Variants in DNAJC11 observed in about 807,000 individuals in gnomAD.
The protein encoded by DNAJC11 is DnaJ heat shock protein family (Hsp40) member C11, also known as dnaJ homolog subfamily C member 11.
DNAJC11 carries 15 observed loss-of-function variants against 78.6 expected under a neutral mutation model. The observed-to-expected ratio is 0.19, with a 90% confidence interval of 0.13 to 0.29. The LOEUF (loss-of-function observed/expected upper bound fraction) is 0.29. DNAJC11 is among the 10% of genes least tolerant of loss of function. DNAJC11 has a pLI of 1.00. For missense variants in DNAJC11, 547 were observed against 709.6 expected, an observed-to-expected ratio of 0.77 and a Z score of 2.60; for synonymous variants, 292 against 272.1, an observed-to-expected ratio of 1.07 and a Z score of -0.72.
chr1:6,642,101 AG>A (rs1006478195), intron 10 of DNAJC11, among the ~76,000 whole-genome samples: 31 of 152,212 alleles, frequency 2.0e-4, no homozygotes, highest in African/African-American at 6.5e-4. Context: ...CATAAGCAGG[AG>A]GGGGCCTGGT....
chr1:6,641,387 AAAAAT>A (rs1443024178), intron 10 of DNAJC11, among the ~76,000 whole-genome samples: 1 of 139,734 alleles, frequency 7.2e-6, no homozygotes, highest in African/African-American at 2.7e-5. Flanking sequence ...CAAAAAAAAA[AAAAAT>A]ATATATATAT....
At chr1:6,650,290 C>T (rs1642034856) in intron 7 of DNAJC11, among the ~76,000 whole-genome samples, 1 of 150,420 alleles carries the variant, frequency 6.6e-6, no homozygotes, top group Non-Finnish European at 1.5e-5. Flanking sequence ...TCCAGGCTTG[C>T]TGAAGTGGCT....
intron 4 of DNAJC11, among the ~76,000 whole-genome samples, chr1:6,664,517 C>G (rs922576870): frequency 1.3e-5 from 2 of 152,114 alleles, no homozygotes; most frequent in African/African-American, 4.8e-5. Context: ...GGATTACAAG[C>G]GTGAGCCACT....
At chr1:6,646,669 A>G (rs1382495492) in intron 7 of DNAJC11, among the ~76,000 whole-genome samples, 1 of 152,160 alleles carries the variant, frequency 6.6e-6, no homozygotes, top group African/African-American at 2.4e-5. Context: ...GAGCCTCTGC[A>G]GTTTCTTTCC....
Position 6,660,993 on chromosome 1 carries a change from G to C in DNAJC11, c.378+6716C>G, listed in dbSNP as rs141635686. Among the ~76,000 whole-genome samples, 487 of 152,218 alleles carry C rather than the reference G, an allele frequency of 3.2e-3. 4 individuals carry two copies. The highest frequency in any genetic ancestry group is 0.011 in the African/African-American group (469 of 41,542). On this transcript the variant is annotated intron_variant, in intron 4 of 15. Transcript: ENST00000377577. ...ACCATTCTAAATTCTTTATTTTTTG[G>C]TTTCAAATCTTCTTAAAAACATGTA...
chr1:6,662,506 T>C (rs1323443499), intron 4 of DNAJC11, among the ~76,000 whole-genome samples: 1 of 152,150 alleles, frequency 6.6e-6, no homozygotes, highest in Non-Finnish European at 1.5e-5. Flanking sequence ...AGGTGGGGAC[T>C]TGGAGAACTT....
intron 1 of DNAJC11, among the ~76,000 whole-genome samples, chr1:6,682,221 C>T (rs156985): frequency 0.23 from 32,730 of 144,772 alleles, 4,047 homozygotes; most frequent in Admixed American, 0.33. Flanking sequence ...AATTTTTCAA[C>T]ATCTTTCAGT....
Position 6,634,240 on chromosome 1 carries a change from G to A in DNAJC11, c.*1435C>T. On this transcript the variant is annotated 3_prime_UTR_variant, in exon 16 of 16. Coordinates refer to ENST00000377577, the MANE Select transcript of DNAJC11 (RefSeq NM_018198.4). ...GACTGCAAATGAAACGCAGAGGATG[G>A]GTGCCCAGAAGCACCTGCGGCAGAG... 1 of 893,016 alleles carries A rather than the reference G, an allele frequency of 1.1e-6. No individual in the cohort carries two copies. The highest frequency in any genetic ancestry group is 1.7e-6 in the Non-Finnish European group (1 of 592,698). The allele number at this position is 893,016 out of a possible 1,614,324, so 55.3% of individuals were successfully genotyped here. A position where few individuals can be genotyped will look rare whatever the true frequency, so the allele number is the denominator to read the frequency against.
chr1:6,650,938 C>A (rs1642045193), intron 7 of DNAJC11: 1 of 411,230 alleles, frequency 2.4e-6, no homozygotes, highest in Non-Finnish European at 5.1e-6. Context: ...TCAGCTATAT[C>A]TTCCTCTGGA....
At chr1:6,674,468 GGAGAATCACTT>G (rs1469102697) in intron 3 of DNAJC11, among the ~76,000 whole-genome samples, 2 of 152,120 alleles carry the variant, frequency 1.3e-5, no homozygotes, top group Non-Finnish European at 2.9e-5. Flanking sequence ...GGCTGAGGCA[GGAGAATCACTT>G]GAACCCCGGA....
At position 6,636,220 on chromosome 1, in the gene DNAJC11, C is replaced by T. The variant is rs142473001; in HGVS notation, c.1551G>A (p.Pro517=). 31 of 1,613,952 alleles carry T rather than the reference C, an allele frequency of 1.9e-5. 1 individual carries two copies. Among genetic ancestry groups the T allele is most frequent in the Middle Eastern group, 1.6e-4 (1 of 6,084 alleles). Reference sequence around the variant, plus strand: ...TCAGGTTCTTCTCTTCCCCCACACACGGGTCATAAAAGCCAGGCAGCCCAG... The same window carrying T: ...TCAGGTTCTTCTCTTCCCCCACACATGGGTCATAAAAGCCAGGCAGCCCAG... ...SKAGLPGFYD[P]CVGEEKNLKV... is the part of the protein sequence containing the mutation. Residue 517 remains proline, a synonymous_variant, in exon 15 of 16, where the codon CCG becomes CCA. Transcript: ENST00000377577.
intron 10 of DNAJC11, among the ~76,000 whole-genome samples, chr1:6,641,507 G>A (rs903039978): frequency 5.3e-5 from 8 of 150,454 alleles, no homozygotes; most frequent in African/African-American, 2.0e-4. Context: ...AAGCTATATA[G>A]TAACAGATAA....
chr1:6,661,808 G>A lies in DNAJC11; in HGVS notation c.378+5901C>T, dbSNP rs56298328. On this transcript the variant is annotated intron_variant, in intron 4 of 15. Coordinates refer to ENST00000377577, the MANE Select transcript of DNAJC11 (RefSeq NM_018198.4). The stretch of plus-strand genomic sequence containing the variant: ...ACAGACTGAAGTCATAACCATGGGC[G>A]ACTTTGCTGGCTACGGTTATTAGCC... 6.7e-3 allele frequency among the ~76,000 whole-genome samples: 1,014 copies of A among 152,308 alleles called. 6 individuals carry two copies. Among genetic ancestry groups the A allele is most frequent in the Non-Finnish European group, 8.9e-3 (604 of 68,032 alleles).
At chr1:6,673,822 T>C (rs959515382) in intron 3 of DNAJC11, among the ~76,000 whole-genome samples, 12 of 152,250 alleles carry the variant, frequency 7.9e-5, no homozygotes, top group African/African-American at 2.7e-4. Context: ...TAGTTTTTCA[T>C]GATCTTGACC....
intron 4 of DNAJC11, among the ~76,000 whole-genome samples, chr1:6,658,667 C>T (rs1239188322): frequency 6.6e-6 from 1 of 152,114 alleles, no homozygotes; most frequent in Non-Finnish European, 1.5e-5. Flanking sequence ...AAAAAATTCC[C>T]CATATCTTAA....
intron 4 of DNAJC11, among the ~76,000 whole-genome samples, chr1:6,657,676 G>A (rs1364320408): frequency 1.3e-5 from 2 of 152,180 alleles, no homozygotes; most frequent in East Asian, 1.9e-4. Flanking sequence ...ATGGAGTCTT[G>A]CTCTGTCGCC....
Position 6,667,692 on chromosome 1 carries a change from C to T in DNAJC11, c.378+17G>A, listed in dbSNP as rs1404627756. 1.2e-6 allele frequency: 2 copies of T among 1,609,182 alleles called. No homozygotes were observed. The highest frequency in any genetic ancestry group is 1.1e-5 in the South Asian group (1 of 90,940). On this transcript the variant is annotated intron_variant, in intron 4 of 15. Transcript: ENST00000377577. ...CTTTTCATGAAGTGTCCTCATGAAACGTGGCCCCTGGCTTACCTTGGGATT... is the reference window on the plus strand; with the variant it reads ...CTTTTCATGAAGTGTCCTCATGAAATGTGGCCCCTGGCTTACCTTGGGATT...
Position 6,653,532 on chromosome 1 carries a change from T to C in DNAJC11, c.507+379A>G, listed in dbSNP as rs1642085940. 6.6e-6 allele frequency among the ~76,000 whole-genome samples: 1 copy of C among 152,218 alleles called. No homozygotes were observed. Among genetic ancestry groups the C allele is most frequent in the Non-Finnish European group, 1.5e-5 (1 of 68,038 alleles). On this transcript the variant is annotated intron_variant, in intron 5 of 15. Transcript: ENST00000377577. The surrounding 1 kb of genome is among the most constrained non-coding windows in gnomAD (Gnocchi z 4.5). ...GCCCAGGGCTCAGGATGAGAGCTGC[T>C]ATAGCCTTGCGGCACCTAGCAGAAT...
Position 6,680,926 on chromosome 1 carries a change from C to T in DNAJC11, c.184G>A (p.Val62Ile). 6.2e-7 allele frequency: 1 copy of T among 1,613,926 alleles called. No individual in the cohort carries two copies. Among genetic ancestry groups the T allele is most frequent in the Non-Finnish European group, 8.5e-7 (1 of 1,179,852 alleles). ...KSQAERLFNL[V>I]HQAYEVLSDP... ...CACTGACCTTCATAAGCCTGGTGAA[C>T]AAGGTTAAACAGTCGTTCCGCCTGT... Residue 62 changes from valine to isoleucine, a missense_variant, in exon 2 of 16, where the codon GTT (valine) becomes ATT (isoleucine). Transcript: ENST00000377577. This position sits in a 1 kb window ranked among gnomAD's most constrained non-coding sequence, Gnocchi z 4.0.
Sources: allele counts gnomAD v4.1 joint callset (sites outside exome capture counted in the v4.1 genomes callset), GRCh38; gene constraint gnomAD v4.1.1; non-coding constraint Gnocchi (gnomAD v3.1); transcripts MANE v1.5; gene names NCBI Gene and HGNC (gene_info 2026-07-23, HGNC 2026-07-21).